Variants in SPTBN1 observed in about 807,000 individuals in gnomAD.
SPTBN1 encodes the protein spectrin beta chain, non-erythrocytic 1.
A neutral mutation model predicts 266.4 loss-of-function variants in SPTBN1; 32 were observed. The observed-to-expected ratio is 0.12, with a 90% CI of 0.09 to 0.16. SPTBN1 has a LOEUF of 0.16. Ranked by LOEUF, SPTBN1 falls within the 10% of genes least tolerant of loss-of-function variation. The probability of loss-of-function intolerance (pLI) is 1.00; values close to 1 mark genes in which losing one functional copy is unlikely to be tolerated. For missense variants in SPTBN1, 2,296 were observed against 3,067.1 expected (o/e 0.75, Z 5.94); for synonymous variants, 1,336 against 1,162.2 (o/e 1.15, Z -3.04).
intron 1 of SPTBN1, among the ~76,000 whole-genome samples, chr2:54,484,143 A>T (rs1019568034): frequency 2.6e-5 from 4 of 152,176 alleles, no homozygotes; most frequent in South Asian, 4.1e-4. Context: ...CTGTGATTGC[A>T]CCACTGCACT....
chr2:54,526,480 TCAA>T lies in SPTBN1; in HGVS notation c.67_69del (p.Asn23del). ...GAGATCCAGCAGCAGTACAGTGATG[TCAA>T]CAACCGCTGGGATGTCGACGACTGG... On this transcript the variant is annotated inframe_deletion, in exon 2 of 36. Coordinates refer to ENST00000356805, the MANE Select transcript of SPTBN1 (RefSeq NM_003128.3). 1 of 1,614,190 alleles carries T rather than the reference TCAA, an allele frequency of 6.2e-7. No individual in the cohort carries two copies. Among genetic ancestry groups the T allele is most frequent in the Non-Finnish European group, 8.5e-7 (1 of 1,180,042 alleles).
intron 6 of SPTBN1, 57 bp from the exon 7 acceptor site, chr2:54,618,021 A>G (rs2103841327): frequency 7.5e-7 from 1 of 1,339,960 alleles, no homozygotes; most frequent in Non-Finnish European, 1.1e-6. Flanking sequence ...ATGTTTCATT[A>G]GTCATATTTC....
chr2:54,588,587 G>A (rs941882843), intron 2 of SPTBN1, among the ~76,000 whole-genome samples: 3 of 152,194 alleles, frequency 2.0e-5, no homozygotes, highest in Non-Finnish European at 4.4e-5. Flanking sequence ...ACCTCAGTTA[G>A]TTAGAAATCA....
chr2:54,631,673 T>C, intron 16 of SPTBN1, 62 bp downstream of exon 16: 1 of 1,553,902 alleles, frequency 6.4e-7, no homozygotes, highest in South Asian at 1.2e-5. Flanking sequence ...CCTTTTGAAA[T>C]GTTTTGGCTG....
chr2:54,558,253 C>T lies in SPTBN1; in HGVS notation c.148+31687C>T, dbSNP rs1049262672. On this transcript the variant is annotated intron_variant, in intron 2 of 35. Coordinates refer to ENST00000356805, the MANE Select transcript of SPTBN1 (RefSeq NM_003128.3). This position sits in a 1 kb window ranked among gnomAD's most constrained non-coding sequence, Gnocchi z 4.6. ...TAGGGGGTCGCGGGCCGGCTAGGCT[C>T]CCCCGCGCCCCTCCTCGTGGTATAG... The T allele has an allele frequency of 2.0e-6, 2 of 985,176 alleles. No homozygotes were observed. The highest frequency in any genetic ancestry group is 1.7e-5 in the African/African-American group (1 of 57,204). The allele number at this position is 985,176 out of a possible 1,614,324, so 61.0% of individuals were successfully genotyped here. A position where few individuals can be genotyped will look rare whatever the true frequency, so the allele number is the denominator to read the frequency against.
At position 54,554,918 on chromosome 2, in the gene SPTBN1, C is replaced by T. The variant is rs1469872334; in HGVS notation, c.148+28352C>T. 1.3e-5 allele frequency among the ~76,000 whole-genome samples: 2 copies of T among 152,158 alleles called. No individual in the cohort carries two copies. The highest frequency in any genetic ancestry group is 1.9e-4 in the East Asian group (1 of 5,202). On this transcript the variant is annotated intron_variant, in intron 2 of 35. Transcript: ENST00000356805. The surrounding 1 kb of genome is among the most constrained non-coding windows in gnomAD (Gnocchi z 4.5). ...AGTCTCATCTTCATAGCTTCTTCTT[C>T]GTCCTCCTCCTCCTCCTTTCTCGTT...
chr2:54,506,864 A>G (rs1669589095), intron 1 of SPTBN1, among the ~76,000 whole-genome samples: 1 of 147,584 alleles, frequency 6.8e-6, no homozygotes, highest in African/African-American at 2.5e-5. Context: ...CTCCAGAGAA[A>G]GTAAAGTTTA....
intron 7 of SPTBN1, among the ~76,000 whole-genome samples, chr2:54,619,865 G>A (rs961306576): frequency 1.3e-5 from 2 of 152,192 alleles, no homozygotes. Flanking sequence ...CATGCCAGCA[G>A]TGTGTCCTGA....
chr2:54,557,319 T>C (rs544889311), intron 2 of SPTBN1, among the ~76,000 whole-genome samples: 2 of 151,400 alleles, frequency 1.3e-5, no homozygotes, highest in African/African-American at 4.9e-5. Context: ...CTTCAGTGAG[T>C]ATTGCTGTAG....
chr2:54,630,086 G>A lies in SPTBN1; in HGVS notation c.2807+57G>A, dbSNP rs1465105028. 3 of 1,579,998 alleles carry A rather than the reference G, an allele frequency of 1.9e-6. No homozygotes were observed. In the East Asian group the frequency reaches 7.0e-5, roughly 37 times the overall value. On this transcript the variant is annotated intron_variant, in intron 15 of 35. Transcript: ENST00000356805. ...CCACGTGTGGGACTGGGGAGGGTGA[G>A]GTCACTCATCGAGCTTTGCTGTTGG... is the stretch of plus-strand genomic sequence containing the variant.
intron 1 of SPTBN1, among the ~76,000 whole-genome samples, chr2:54,496,067 C>G (rs1218349966): frequency 2.0e-5 from 3 of 151,904 alleles, no homozygotes; most frequent in Non-Finnish European, 4.4e-5. Context: ...GTGCTATTCC[C>G]AAAAAGTAAC....
rs768988675 is a variant in SPTBN1 at position 54,472,022 on chromosome 2, G to GTTTTTTTTTTTT, written c.-48+15516_-48+15527dup. On this transcript the variant is annotated intron_variant, in intron 1 of 35. Transcript: ENST00000356805. ...GAATAAAAACTGGGGCCCTGAAGAT[G>GTTTTTTTTTTTT]TTTTTTTTTTTTTTTTTTTTTTTGA... Among the ~76,000 whole-genome samples, 25 of 66,804 alleles carry GTTTTTTTTTTTT rather than the reference G, an allele frequency of 3.7e-4. 2 individuals are homozygous for GTTTTTTTTTTTT. Among genetic ancestry groups the GTTTTTTTTTTTT allele is most frequent in the East Asian group, 5.1e-4 (1 of 1,950 alleles). 43.8% of individuals were successfully genotyped at this position (66,804 alleles called of 152,430 possible).
At chr2:54,468,275 C>G (rs1487418497) in intron 1 of SPTBN1, among the ~76,000 whole-genome samples, 3 of 150,486 alleles carry the variant, frequency 2.0e-5, no homozygotes, top group African/African-American at 7.4e-5. Context: ...CCATTGCGCT[C>G]CAGCCTGGGT....
intron 29 of SPTBN1, 50 bp from the exon 30 acceptor site, chr2:54,657,800 T>C (rs760060287): frequency 6.2e-7 from 1 of 1,611,580 alleles, no homozygotes; most frequent in South Asian, 1.1e-5. Context: ...GCCATATGAC[T>C]GCCCGGCACC....
In SPTBN1 at chr2:54,629,366, C is replaced by T; in HGVS notation, c.2232C>T (p.Ser744=). The T allele has an allele frequency of 6.2e-7, 1 of 1,614,090 alleles. No individual in the cohort carries two copies. The change falls in exon 14 of 36, where the codon TCC becomes TCT. Residue 744 remains serine, a synonymous_variant. Coordinates refer to ENST00000356805, the MANE Select transcript of SPTBN1 (RefSeq NM_003128.3). ...GGAAGAAGCGCCTGGAGGAGGCCTC[C>T]CTGCTGCACCAGTTCCAGGCAGATG... is the stretch of plus-strand genomic sequence containing the variant. ...AIRKKRLEEA[S]LLHQFQADAD... is the part of the protein sequence containing the mutation.
Position 54,660,014 on chromosome 2 carries a change from TCAAACCTAC to T in SPTBN1, c.6420+20_6420+28del. 1 of 1,614,206 alleles carries T rather than the reference TCAAACCTAC, an allele frequency of 6.2e-7. No homozygotes were observed. Among genetic ancestry groups the T allele is most frequent in the Non-Finnish European group, 8.5e-7 (1 of 1,180,038 alleles). On this transcript the variant is annotated intron_variant, in intron 32 of 35. Coordinates refer to ENST00000356805, the MANE Select transcript of SPTBN1 (RefSeq NM_003128.3). Reference sequence around the variant, plus strand: ...GATCTCCACGGGTTAGTTACCGCTCTCAAACCTACCAAAACTACAAAAACTTTAATAGCA... The same window carrying T: ...GATCTCCACGGGTTAGTTACCGCTCTCAAAACTACAAAAACTTTAATAGCA...
intron 29 of SPTBN1, 102 bp downstream of exon 29, chr2:54,656,100 T>C (rs1440048618): frequency 1.9e-6 from 2 of 1,073,642 alleles, no homozygotes; most frequent in Non-Finnish European, 1.3e-6. Context: ...TAAAGATTGT[T>C]CGAGTTGTAG....
intron 1 of SPTBN1, among the ~76,000 whole-genome samples, chr2:54,513,993 T>G (rs73932789): frequency 0.013 from 1,919 of 152,302 alleles, 42 homozygotes; most frequent in African/African-American, 0.044. Flanking sequence ...TTAGAGAGTA[T>G]TATATGTAAG....
chr2:54,629,505 G>A lies in SPTBN1; in HGVS notation c.2371G>A (p.Glu791Lys). The change falls in exon 14 of 36, where the codon GAA becomes AAA. Residue 791 changes from glutamate (E) to lysine (K), a missense_variant. Coordinates refer to ENST00000356805, the MANE Select transcript of SPTBN1 (RefSeq NM_003128.3). The stretch of plus-strand genomic sequence containing the variant: ...GGTCAAGAAACACAAGGACGTGGCG[G>A]AAGAGATCGCCAATTACAGGCCCAC... ...SLVKKHKDVA[E>K]EIANYRPTLD... 3.1e-6 allele frequency: 5 copies of A among 1,614,148 alleles called. 1 individual carries two copies. The Middle Eastern group carries it at 4.9e-4, about 160-fold the overall frequency.
Sources: gnomAD v4.1 joint callset for allele counts (sites outside exome capture counted in the v4.1 genomes callset) on GRCh38, gnomAD v4.1.1 for gene constraint, Gnocchi (gnomAD v3.1) non-coding constraint, MANE v1.5 for transcripts, NCBI Gene and HGNC (gene_info 2026-07-23, HGNC 2026-07-21) for gene names.